PCLO: variants seen among roughly 807,000 people sequenced by gnomAD.
PCLO encodes the protein piccolo presynaptic cytomatrix protein.
In PCLO, 82 loss-of-function variants were observed where a neutral mutation model predicts 427.5. The observed-to-expected ratio is 0.19, with a 90% CI of 0.16 to 0.23. The LOEUF is 0.23. Ranked by LOEUF, PCLO falls within the 10% of genes least tolerant of loss-of-function variation. The pLI is 1.00. For missense variants in PCLO, 6,239 were observed against 6,115.9 expected (o/e 1.02, Z -0.67); for synonymous variants, 2,357 against 2,155.4 (o/e 1.09, Z -2.59).
At chr7:83,149,456 C>A (rs1792075927) in intron 2 of PCLO, among the ~76,000 whole-genome samples, 1 of 152,060 alleles carries the variant, frequency 6.6e-6, no homozygotes. Context: ...GAAAGTGGGA[C>A]TTGAAGATAG....
chr7:82,830,311 C>T (rs959742075), intron 16 of PCLO, among the ~76,000 whole-genome samples: 5 of 151,460 alleles, frequency 3.3e-5, no homozygotes, highest in African/African-American at 4.8e-5. Context: ...AGATATGTTC[C>T]TTTAAATTTA....
Position 82,952,752 on chromosome 7 carries a change from G to T in PCLO, c.8201C>A (p.Pro2734Gln). The change falls in exon 5 of 25, where the codon CCA becomes CAA. Residue 2734 changes from proline (P) to glutamine (Q), a missense_variant. Coordinates refer to ENST00000333891, the MANE Select transcript of PCLO (RefSeq NM_033026.6). Reference sequence around the variant, plus strand: ...ATCAGTTGTTTTAACTTCTACCTTTGGTACTGTACGCAAATCAATTACATC... The same window carrying T: ...ATCAGTTGTTTTAACTTCTACCTTTTGTACTGTACGCAAATCAATTACATC... ...VGDVIDLRTV[P>Q]KVEVKTTDKC... 2 of 1,613,370 alleles carry T rather than the reference G, an allele frequency of 1.2e-6. No individual in the cohort carries two copies. The highest frequency in any genetic ancestry group is 1.7e-6 in the Non-Finnish European group (2 of 1,179,542).
At chr7:82,850,440 T>C (rs555395103) in intron 10 of PCLO, among the ~76,000 whole-genome samples, 1 of 152,166 alleles carries the variant, frequency 6.6e-6, no homozygotes, top group Non-Finnish European at 1.5e-5. Context: ...AATTAGGTAA[T>C]TCAAGAACTT....
chr7:83,124,161 A>T (rs1328210997), intron 3 of PCLO, among the ~76,000 whole-genome samples: 1 of 151,378 alleles, frequency 6.6e-6, no homozygotes, highest in Non-Finnish European at 1.5e-5. Context: ...ATACAAAAAA[A>T]AAAAAATTAG....
At chr7:82,781,392 G>A (rs1790869376) in intron 22 of PCLO, among the ~76,000 whole-genome samples, 1 of 151,492 alleles carries the variant, frequency 6.6e-6, no homozygotes, top group Admixed American at 6.6e-5. Context: ...GTAGGTATAC[G>A]TGTGCCATGG....
At chr7:82,778,962 C>T (rs1386409228) in intron 22 of PCLO, among the ~76,000 whole-genome samples, 1 of 152,014 alleles carries the variant, frequency 6.6e-6, no homozygotes, top group African/African-American at 2.4e-5. Flanking sequence ...AGGGTCACCT[C>T]TCAAAATTCA....
chr7:82,831,938 A>G (rs1792103697), intron 16 of PCLO, among the ~76,000 whole-genome samples: 1 of 152,150 alleles, frequency 6.6e-6, no homozygotes, highest in South Asian at 2.1e-4. Flanking sequence ...TCTACACAAA[A>G]TAGTCATATC....
chr7:82,924,151 G>C (rs1336200040), intron 6 of PCLO, among the ~76,000 whole-genome samples: 1 of 151,982 alleles, frequency 6.6e-6, no homozygotes. Context: ...ATGCGAAAAG[G>C]CTGACTTCCT....
intron 20 of PCLO, among the ~76,000 whole-genome samples, chr7:82,808,360 T>C (rs1200723976): frequency 6.6e-6 from 1 of 151,904 alleles, no homozygotes; most frequent in Admixed American, 6.6e-5. Context: ...TTCAAAATCG[T>C]CCATCCTTTG....
intron 3 of PCLO, among the ~76,000 whole-genome samples, chr7:82,969,053 G>C (rs1345402007): frequency 6.6e-6 from 1 of 151,990 alleles, no homozygotes. Flanking sequence ...GTTGGGACAG[G>C]GACAAATTAT....
chr7:83,045,002 A>G (rs1789069905), intron 3 of PCLO, among the ~76,000 whole-genome samples: 1 of 152,190 alleles, frequency 6.6e-6, no homozygotes, highest in African/African-American at 2.4e-5. Flanking sequence ...TAAAACCACC[A>G]TATGCTTCAG....
Position 82,760,699 on chromosome 7 carries a change from T to G in PCLO, c.15228A>C (p.Arg5076=), listed in dbSNP as rs1266066761. 6 of 1,601,586 alleles carry G rather than the reference T, an allele frequency of 3.7e-6. No individual in the cohort carries two copies. Among genetic ancestry groups the G allele is most frequent in the Non-Finnish European group, 5.1e-6 (6 of 1,171,482 alleles). ...KKKTRVCRHD[R]EPSFNETFRF... Reference sequence around the variant, plus strand: ...GAAAAGTTTCATTAAACGAAGGCTCTCGATCATGTCTGCATACTCTTGTTT... The same window carrying G: ...GAAAAGTTTCATTAAACGAAGGCTCGCGATCATGTCTGCATACTCTTGTTT... Residue 5076 remains arginine (R), a synonymous_variant, in exon 24 of 25, where the codon CGA becomes CGC. Coordinates refer to ENST00000333891, the MANE Select transcript of PCLO (RefSeq NM_033026.6).
At position 82,769,362 on chromosome 7, in the gene PCLO, C is replaced by T. The variant is rs375945814; in HGVS notation, c.15008-7869G>A. Among the ~76,000 whole-genome samples the T allele has an allele frequency of 2.0e-5, 3 of 152,140 alleles. No homozygotes were observed. The East Asian group carries it at 5.8e-4, about 29-fold the overall frequency. ...TGTTTAGATTAAACAATAAACACAG[C>T]AATGCTTTTTTTTGAAATATTCATC... is the stretch of plus-strand genomic sequence containing the variant. On this transcript the variant is annotated intron_variant, in intron 22 of 24. Coordinates refer to ENST00000333891, the MANE Select transcript of PCLO (RefSeq NM_033026.6).
At chr7:82,958,122 G>C (rs1471791863) in intron 4 of PCLO, among the ~76,000 whole-genome samples, 2 of 152,142 alleles carry the variant, frequency 1.3e-5, no homozygotes, top group Non-Finnish European at 2.9e-5. Flanking sequence ...CTGCCTAAGA[G>C]CATGCTATAG....
At chr7:83,126,156 T>C (rs975252340) in intron 3 of PCLO, among the ~76,000 whole-genome samples, 1 of 152,152 alleles carries the variant, frequency 6.6e-6, no homozygotes, top group Non-Finnish European at 1.5e-5. Flanking sequence ...CTCACTCATA[T>C]GTGGGAACTA....
intron 3 of PCLO, among the ~76,000 whole-genome samples, chr7:83,013,835 A>G (rs2116009792): frequency 6.6e-6 from 1 of 152,352 alleles, no homozygotes; most frequent in Middle Eastern, 3.4e-3. Context: ...TAATCATTAG[A>G]GAAAAATTAT....
intron 16 of PCLO, among the ~76,000 whole-genome samples, chr7:82,830,763 T>C (rs1792074754): frequency 6.6e-6 from 1 of 152,020 alleles, no homozygotes; most frequent in Non-Finnish European, 1.5e-5. Context: ...ATCACTAAAA[T>C]TCTGGGTCTG....
intron 22 of PCLO, among the ~76,000 whole-genome samples, chr7:82,773,718 G>C (rs547170215): frequency 1.9e-4 from 28 of 150,256 alleles, no homozygotes; most frequent in Non-Finnish European, 2.7e-4. Flanking sequence ...ATCCACTTGT[G>C]CTATTCTTTT....
intron 3 of PCLO, among the ~76,000 whole-genome samples, chr7:83,032,232 A>G (rs114969232): frequency 6.6e-6 from 1 of 152,138 alleles, no homozygotes; most frequent in Non-Finnish European, 1.5e-5. Flanking sequence ...AGTCACCCTG[A>G]GTATCTCAAA....
Sources: gnomAD v4.1 joint callset for allele counts (sites outside exome capture counted in the v4.1 genomes callset) on GRCh38, gnomAD v4.1.1 for gene constraint, MANE v1.5 for transcripts, NCBI Gene and HGNC (gene_info 2026-07-23, HGNC 2026-07-21) for gene names.